Variants in PTPRD observed in about 807,000 individuals in gnomAD.
PTPRD encodes protein tyrosine phosphatase receptor type D.
In PTPRD, 34 loss-of-function variants were observed where a neutral mutation model predicts 214.5. That is an observed-to-expected ratio of 0.16 (90% confidence interval 0.12 to 0.21). The LOEUF is 0.21. Ranked by LOEUF, PTPRD falls within the 10% of genes least tolerant of loss-of-function variation. The pLI is 1.00. For missense variants in PTPRD, 2,545 were observed against 2,398.7 expected (o/e 1.06, Z -1.27); for synonymous variants, 1,128 against 845.7 (o/e 1.33, Z -5.79).
At chr9:8,645,256 T>A (rs561019757) in intron 12 of PTPRD, among the ~76,000 whole-genome samples, 1 of 152,168 alleles carries the variant, frequency 6.6e-6, no homozygotes, top group Admixed American at 6.5e-5. Context: ...CAGGATCCAA[T>A]TGAAATCAGA....
rs571246919 is a variant in PTPRD at position 10,014,053 on chromosome 9, CAT to C, written c.-472+19663_-472+19664del. On this transcript the variant is annotated intron_variant, in intron 4 of 45. Coordinates refer to ENST00000381196, the MANE Select transcript of PTPRD (RefSeq NM_002839.4). ...GAGTTTCTGAATAAATAAATCTTCA[CAT>C]GTCAGCCCCTATCATCCATTTTCAG... is the stretch of plus-strand genomic sequence containing the variant. 4.2e-4 allele frequency among the ~76,000 whole-genome samples: 64 copies of C among 152,034 alleles called. No homozygotes were observed. In the East Asian group the frequency reaches 7.2e-3, roughly 17 times the overall value.
chr9:10,223,454 C>T (rs547754406), intron 3 of PTPRD, among the ~76,000 whole-genome samples: 1 of 151,726 alleles, frequency 6.6e-6, no homozygotes, highest in African/African-American at 2.4e-5. Flanking sequence ...CACTTGAGGC[C>T]AGGAGTTAGG....
At chr9:9,115,469 T>C (rs1225266165) in intron 10 of PTPRD, among the ~76,000 whole-genome samples, 1 of 151,892 alleles carries the variant, frequency 6.6e-6, no homozygotes, top group East Asian at 1.9e-4. Context: ...TACTAAAAAG[T>C]AAAAAACAAT....
intron 3 of PTPRD, among the ~76,000 whole-genome samples, chr9:10,119,251 G>C (rs1470559619): frequency 1.3e-5 from 2 of 151,858 alleles, no homozygotes; most frequent in Admixed American, 6.6e-5. Context: ...ATAAGGCAGA[G>C]ATTATTATCT....
chr9:10,372,989 T>C (rs568809143), intron 2 of PTPRD, among the ~76,000 whole-genome samples: 1 of 151,484 alleles, frequency 6.6e-6, no homozygotes, highest in Admixed American at 6.6e-5. Flanking sequence ...CCCACCACCA[T>C]GCCCAGCTAA....
At chr9:9,027,263 T>G (rs1455202020) in intron 10 of PTPRD, among the ~76,000 whole-genome samples, 1 of 151,780 alleles carries the variant, frequency 6.6e-6, no homozygotes, top group Non-Finnish European at 1.5e-5. Context: ...GCATTTAAAT[T>G]AGCAATAATC....
chr9:9,257,394 T>G lies in PTPRD; in HGVS notation c.-202-74031A>C, dbSNP rs371535909. On this transcript the variant is annotated intron_variant, in intron 9 of 45. Coordinates refer to ENST00000381196, the MANE Select transcript of PTPRD (RefSeq NM_002839.4). ...TTGAGGATGGAAGAGTTGGCTTCCATGTCCCAACCCCAAGCTCTTAGTCAT... is the reference window on the plus strand; with the variant it reads ...TTGAGGATGGAAGAGTTGGCTTCCAGGTCCCAACCCCAAGCTCTTAGTCAT... Among the ~76,000 whole-genome samples the G allele has an allele frequency of 2.5e-4, 38 of 152,148 alleles. No individual in the cohort carries two copies. The South Asian group carries it at 7.9e-3, about 32-fold the overall frequency.
Position 9,593,973 on chromosome 9 carries a change from C to A in PTPRD, c.-286-19192G>T, listed in dbSNP as rs1034636368. On this transcript the variant is annotated intron_variant, in intron 7 of 45. Transcript: ENST00000381196. Reference sequence around the variant, plus strand: ...TGAGAAAAGGGGATTGGAGCCCTGGCTATCTATTGGTATGACAATATAGGA... The same window carrying A: ...TGAGAAAAGGGGATTGGAGCCCTGGATATCTATTGGTATGACAATATAGGA... Among the ~76,000 whole-genome samples, 3 of 152,096 alleles carry A rather than the reference C, an allele frequency of 2.0e-5. 1 individual carries two copies.
rs7867247 is a variant in PTPRD at position 8,705,964 on chromosome 9, A to G, written c.64+27816T>C. ...GGAGCATTTAGTCAGCACTGTATCC[A>G]TATGTGTAAATTCCAAGCCAGGCAT... On this transcript the variant is annotated intron_variant, in intron 12 of 45. Coordinates refer to ENST00000381196, the MANE Select transcript of PTPRD (RefSeq NM_002839.4). Among the ~76,000 whole-genome samples the G allele has an allele frequency of 2.5e-4, 38 of 152,034 alleles. 3 individuals carry two copies. The South Asian group carries it at 7.9e-3, about 32-fold the overall frequency.
chr9:9,164,894 C>A (rs182093495), intron 10 of PTPRD, among the ~76,000 whole-genome samples: 120 of 133,926 alleles, frequency 9.0e-4, no homozygotes, highest in African/African-American at 3.2e-3. Context: ...ACAAACAAAC[C>A]AACCAGAAAT....
At chr9:10,001,778 A>G (rs914786011) in intron 4 of PTPRD, among the ~76,000 whole-genome samples, 6 of 152,164 alleles carry the variant, frequency 3.9e-5, no homozygotes, top group African/African-American at 1.4e-4. Flanking sequence ...CAGCTGCCCT[A>G]TGAGAAATAC....
At chr9:9,393,521 A>T (rs1288730143) in intron 9 of PTPRD, among the ~76,000 whole-genome samples, 2 of 152,156 alleles carry the variant, frequency 1.3e-5, no homozygotes, top group Admixed American at 6.6e-5. Flanking sequence ...GTTGCATGAG[A>T]TCCCTATTGA....
At chr9:8,936,435 A>AAG (rs2098998032) in intron 11 of PTPRD, among the ~76,000 whole-genome samples, 1 of 148,862 alleles carries the variant, frequency 6.7e-6, no homozygotes, top group Non-Finnish European at 1.5e-5. Flanking sequence ...TCCAAAAAAA[A>AAG]AAAAAAAAAA....
intron 9 of PTPRD, among the ~76,000 whole-genome samples, chr9:9,343,133 T>C (rs1325409622): frequency 6.6e-6 from 1 of 152,208 alleles, no homozygotes; most frequent in Non-Finnish European, 1.5e-5. Flanking sequence ...AGTCTATCAC[T>C]GATAGGCATT....
At chr9:8,355,227 C>A (rs2076676803) in intron 39 of PTPRD, among the ~76,000 whole-genome samples, 2 of 152,156 alleles carry the variant, frequency 1.3e-5, no homozygotes, top group South Asian at 2.1e-4. Context: ...CCATCTGATA[C>A]ACTGGCTCCC....
intron 7 of PTPRD, among the ~76,000 whole-genome samples, chr9:9,692,256 A>C (rs2097286866): frequency 6.6e-6 from 1 of 151,520 alleles, no homozygotes; most frequent in Non-Finnish European, 1.5e-5. Flanking sequence ...TCATAGTTTG[A>C]GGTCTTAGAT....
intron 8 of PTPRD, chr9:9,414,608 C>A (rs1459580755): frequency 6.6e-6 from 1 of 152,158 alleles, no homozygotes; most frequent in East Asian, 1.9e-4. Flanking sequence ...CCATCTTCAT[C>A]ATCTCTTAGA....
chr9:10,284,396 A>C (rs571835273), intron 3 of PTPRD, among the ~76,000 whole-genome samples: 2 of 152,318 alleles, frequency 1.3e-5, no homozygotes, highest in East Asian at 3.9e-4. Context: ...ATAAACAAAA[A>C]CTGATGTCTC....
chr9:8,548,470 C>T (rs1157069579), intron 14 of PTPRD, among the ~76,000 whole-genome samples: 2 of 151,960 alleles, frequency 1.3e-5, no homozygotes, highest in Non-Finnish European at 2.9e-5. Flanking sequence ...CAGGTTCAAG[C>T]GATTCTTGTG....
Sources: gnomAD v4.1 joint callset for allele counts (sites outside exome capture counted in the v4.1 genomes callset) on GRCh38, gnomAD v4.1.1 for gene constraint, MANE v1.5 for transcripts, NCBI Gene and HGNC (gene_info 2026-07-23, HGNC 2026-07-21) for gene names.